SPATA6L: variants seen among roughly 807,000 people sequenced by gnomAD.
SPATA6L encodes spermatogenesis associated 6-like protein.
Under a neutral mutation model 49.2 loss-of-function variants are expected in SPATA6L, and 68 were observed. That is an observed-to-expected ratio of 1.38 (90% CI 1.14 to 1.69). The LOEUF (loss-of-function observed/expected upper bound fraction) is 1.69, where lower values mean the gene tolerates loss of function less well. SPATA6L is among the 40% of genes most tolerant of loss of function. The pLI, the probability that SPATA6L is intolerant of heterozygous loss-of-function variation, is 0.00. For synonymous variants in SPATA6L, 198 were observed against 165.7 expected (o/e 1.19, Z -1.50); for missense variants, 668 against 464.3 (o/e 1.44, Z -4.03).
chr9:4,610,150 T>C (rs1224042814), intron 9 of SPATA6L, among the ~76,000 whole-genome samples: 4 of 152,074 alleles, frequency 2.6e-5, no homozygotes, highest in East Asian at 1.9e-4. Context: ...TAAAAGAGGA[T>C]ACAAACAAAT....
At chr9:4,648,666 C>G (rs111387430) in intron 3 of SPATA6L, among the ~76,000 whole-genome samples, 3,620 of 145,410 alleles carry the variant, frequency 0.025, 141 homozygotes, top group African/African-American at 0.087. Flanking sequence ...CGCCACTGCA[C>G]TCCAGCCTGG....
intron 3 of SPATA6L, among the ~76,000 whole-genome samples, chr9:4,644,341 T>C (rs1286524686): frequency 6.6e-6 from 1 of 150,998 alleles, no homozygotes; most frequent in Non-Finnish European, 1.5e-5. Flanking sequence ...AGATCTTGTC[T>C]CAAAAAATAT....
At chr9:4,651,601 CT>C (rs1836871355) in intron 3 of SPATA6L, among the ~76,000 whole-genome samples, 1 of 152,152 alleles carries the variant, frequency 6.6e-6, no homozygotes, top group South Asian at 2.1e-4. Flanking sequence ...CAACATAATA[CT>C]AGCAAACCAA....
chr9:4,635,170 C>T, intron 4 of SPATA6L, 105 bp downstream of exon 4: 2 of 1,247,446 alleles, frequency 1.6e-6, no homozygotes, highest in South Asian at 2.0e-5. Context: ...AACAGAACAG[C>T]AGGGGTACTA....
At chr9:4,652,040 T>A (rs1466759212) in intron 3 of SPATA6L, among the ~76,000 whole-genome samples, 2 of 152,154 alleles carry the variant, frequency 1.3e-5, no homozygotes, top group African/African-American at 4.8e-5. Flanking sequence ...TAATTTTGCA[T>A]ATAGAAAATC....
chr9:4,604,321 G>T, intron 10 of SPATA6L, 52 bp from the exon 11 acceptor site: 1 of 1,206,506 alleles, frequency 8.3e-7, no homozygotes. Flanking sequence ...TAATAGAGAT[G>T]GATGATACCC....
At chr9:4,642,593 G>C (rs1173061176) in intron 3 of SPATA6L, among the ~76,000 whole-genome samples, 3 of 152,194 alleles carry the variant, frequency 2.0e-5, no homozygotes, top group African/African-American at 4.8e-5. Flanking sequence ...ACCTGCTCCA[G>C]TGATATCCAC....
chr9:4,612,465 C>G (rs1826994126), intron 9 of SPATA6L, among the ~76,000 whole-genome samples: 1 of 152,204 alleles, frequency 6.6e-6, no homozygotes, highest in Admixed American at 6.5e-5. Context: ...GGGCTCACTA[C>G]TCTTATTAAC....
At chr9:4,613,390 C>T (rs1164207842) in intron 9 of SPATA6L, among the ~76,000 whole-genome samples, 4 of 151,986 alleles carry the variant, frequency 2.6e-5, no homozygotes, top group African/African-American at 7.3e-5. Context: ...GGTTCCGGCC[C>T]ACATCCAGGC....
At position 4,662,285 on chromosome 9, in the gene SPATA6L, C is replaced by T. The variant is rs1367789821; in HGVS notation, c.40-249G>A. 2 of 1,434,650 alleles carry T rather than the reference C, an allele frequency of 1.4e-6. No individual in the cohort carries two copies. Among genetic ancestry groups the T allele is most frequent in the Non-Finnish European group, 1.8e-6 (2 of 1,099,780 alleles). The allele number at this position is 1,434,650 out of a possible 1,614,324, so 88.9% of individuals were successfully genotyped here. A position where few individuals can be genotyped will look rare whatever the true frequency, so the allele number is the denominator to read the frequency against. On this transcript the variant is annotated intron_variant, in intron 1 of 11. Coordinates refer to ENST00000682582, the MANE Select transcript of SPATA6L (RefSeq NM_001353486.2). The surrounding 1 kb of genome is among the most constrained non-coding windows in gnomAD (Gnocchi z 4.9). ...TCGCCGGCTCCTCTCCCCGCCCCTC[C>T]GGGATGGTAGTGCGGAAGCGGAAGA...
rs545783865 is a variant in SPATA6L at position 4,624,422 on chromosome 9, C to T, written c.669+905G>A. 3.2e-4 allele frequency among the ~76,000 whole-genome samples: 48 copies of T among 152,228 alleles called. 1 individual carries two copies. The South Asian group carries it at 6.0e-3, about 19-fold the overall frequency. On this transcript the variant is annotated intron_variant, in intron 6 of 11. Transcript: ENST00000682582. ...TTGAACTTTTCTATGTTTTCCATTA[C>T]TTTTATAGTAGCAAAAAAATTGTAG...
chr9:4,622,661 T>C (rs1829595857), intron 6 of SPATA6L, 151 bp from the exon 7 acceptor site: 2 of 582,306 alleles, frequency 3.4e-6, no homozygotes, highest in Admixed American at 3.1e-5. Flanking sequence ...GTCTGCAAGT[T>C]TGTTACATGT....
intron 11 of SPATA6L, among the ~76,000 whole-genome samples, chr9:4,602,134 T>C (rs1823460742): frequency 6.9e-6 from 1 of 145,592 alleles, no homozygotes; most frequent in Admixed American, 6.9e-5. Context: ...CAAGAAAGAA[T>C]TGACGTTTTT....
rs909208646 is a variant in SPATA6L at position 4,629,104 on chromosome 9, C to T, written c.416G>A (p.Arg139Lys). The stretch of plus-strand genomic sequence containing the variant: ...TATTGTACTTACAAGAAATCTGTTT[C>T]TATGCAGAAACACACATTCTCTGAT... The part of the protein sequence containing the change: ...TAIRECVFLH[R>K]NRFLEERHES... The change falls in exon 5 of 12, where the codon AGA becomes AAA. Residue 139 changes from arginine (R) to lysine (K), a missense_variant. Transcript: ENST00000682582. 2.5e-6 allele frequency: 4 copies of T among 1,608,402 alleles called. No individual in the cohort carries two copies. The African/African-American group carries it at 4.0e-5, about 16-fold the overall frequency.
chr9:4,635,052 A>C (rs1443850220), intron 4 of SPATA6L, among the ~76,000 whole-genome samples: 4 of 152,248 alleles, frequency 2.6e-5, no homozygotes, highest in African/African-American at 7.2e-5. Context: ...GACAATGTAA[A>C]TATGGCAATG....
In SPATA6L at chr9:4,650,972, G is replaced by C. The variant is rs191031517; in HGVS notation, c.226+5069C>G. 5.1e-4 allele frequency among the ~76,000 whole-genome samples: 78 copies of C among 152,092 alleles called. 1 individual carries two copies. The highest frequency in any genetic ancestry group is 1.7e-3 in the African/African-American group (72 of 41,478). ...TCGCCTTGGCCTCCCAAAATGCTGG[G>C]ATTACAGGCATGAGCCACCGTGCCC... On this transcript the variant is annotated intron_variant, in intron 3 of 11. Transcript: ENST00000682582.
At chr9:4,629,585 G>T (rs1375121311) in intron 4 of SPATA6L, among the ~76,000 whole-genome samples, 1 of 151,854 alleles carries the variant, frequency 6.6e-6, no homozygotes, top group Non-Finnish European at 1.5e-5. Context: ...AGAGAGGTAT[G>T]AATACAGAGC....
chr9:4,646,714 G>C (rs1203601108), intron 3 of SPATA6L, among the ~76,000 whole-genome samples: 1 of 152,108 alleles, frequency 6.6e-6, no homozygotes, highest in African/African-American at 2.4e-5. Context: ...AGAGTGGAAT[G>C]AGAATAACAG....
Position 4,641,831 on chromosome 9 carries a change from G to A in SPATA6L, c.227-6432C>T, listed in dbSNP as rs145716695. Among the ~76,000 whole-genome samples, 51 of 152,330 alleles carry A rather than the reference G, an allele frequency of 3.3e-4. No individual in the cohort carries two copies. In the East Asian group the frequency reaches 8.3e-3, roughly 25 times the overall value. On this transcript the variant is annotated intron_variant, in intron 3 of 11. Coordinates refer to ENST00000682582, the MANE Select transcript of SPATA6L (RefSeq NM_001353486.2). ...TCTGTTGCCCAAGCTGGAGTGCAGT[G>A]GCAAGATCACAGCTCACTGCAGCCT...
Sources: allele counts gnomAD v4.1 joint callset (sites outside exome capture counted in the v4.1 genomes callset), GRCh38; gene constraint gnomAD v4.1.1; non-coding constraint Gnocchi (gnomAD v3.1); transcripts MANE v1.5; gene names NCBI Gene and HGNC (gene_info 2026-07-23, HGNC 2026-07-21).